Variants in TRMT9B observed in about 807,000 individuals in gnomAD.
TRMT9B encodes the protein probable tRNA methyltransferase 9B.
A neutral mutation model predicts 11.5 loss-of-function variants in TRMT9B; 16 were observed. The ratio of observed to expected loss-of-function variants is 1.39; its 90% CI spans 0.94 to 2.11. The LOEUF (loss-of-function observed/expected upper bound fraction) is 2.11, where lower values mean the gene tolerates loss of function less well. Among genes scored for constraint, TRMT9B ranks in the 30% most tolerant of loss-of-function variants. The probability of loss-of-function intolerance (pLI) is 0.00; values close to 1 mark genes in which losing one functional copy is unlikely to be tolerated. For synonymous variants in TRMT9B, 274 were observed against 192.4 expected, an observed-to-expected ratio of 1.42 and a Z score of -3.51; for missense variants, 941 against 553.8, an observed-to-expected ratio of 1.70 and a Z score of -7.02.
At chr8:13,003,547 C>T (rs1223411466) in intron 2 of TRMT9B, among the ~76,000 whole-genome samples, 12 of 152,028 alleles carry the variant, frequency 7.9e-5, no homozygotes. Context: ...CGCTGAGAAA[C>T]AGTGGGTCAT....
rs1184170285 is a variant in TRMT9B, at chr8:13,028,429, T to C, written c.*6385T>C. The C allele has an allele frequency of 1.2e-5, 2 of 167,036 alleles. No homozygotes were observed. The highest frequency in any genetic ancestry group is 3.9e-4 in the East Asian group (2 of 5,192). 10.3% of individuals were successfully genotyped at this position (167,036 alleles called of 1,614,324 possible). A position where few individuals can be genotyped will look rare whatever the true frequency, so the allele number is the denominator to read the frequency against. On this transcript the variant is annotated 3_prime_UTR_variant, in exon 5 of 5. Coordinates refer to ENST00000524591, the MANE Select transcript of TRMT9B (RefSeq NM_020844.3). ...CATGGAATATTGATTTTTCTATGAA[T>C]ATTACCTCCACATTGAAAAACGAGT...
At chr8:13,005,546 A>C (rs1376620048) in intron 2 of TRMT9B, among the ~76,000 whole-genome samples, 1 of 152,190 alleles carries the variant, frequency 6.6e-6, no homozygotes, top group African/African-American at 2.4e-5. Flanking sequence ...TGTACTCCGT[A>C]AATATATACA....
intron 1 of TRMT9B, among the ~76,000 whole-genome samples, chr8:12,975,995 A>T (rs183520969): frequency 1.3e-4 from 20 of 152,360 alleles, no homozygotes; most frequent in Non-Finnish European, 1.9e-4. Context: ...GATTACAAGC[A>T]ACAGAAACTG....
At chr8:12,947,529 A>G (rs1800323841) in intron 1 of TRMT9B, among the ~76,000 whole-genome samples, 1 of 152,244 alleles carries the variant, frequency 6.6e-6, no homozygotes, top group Non-Finnish European at 1.5e-5. Flanking sequence ...ATAGATGGTC[A>G]AGGCTGAAGT....
chr8:12,966,580 AT>A (rs1174369865), intron 1 of TRMT9B, among the ~76,000 whole-genome samples: 1 of 152,208 alleles, frequency 6.6e-6, no homozygotes, highest in Admixed American at 6.5e-5. Context: ...AGCTATTTCT[AT>A]TGTTTAGCCA....
At chr8:12,986,223 A>T (rs535333520) in intron 1 of TRMT9B, among the ~76,000 whole-genome samples, 20 of 152,250 alleles carry the variant, frequency 1.3e-4, no homozygotes, top group Admixed American at 1.3e-4. Context: ...GTTGTCCTTC[A>T]GTTACCACAG....
intron 1 of TRMT9B, among the ~76,000 whole-genome samples, chr8:12,971,498 A>G (rs7005461): frequency 0.36 from 54,584 of 152,012 alleles, 10,982 homozygotes; most frequent in Middle Eastern, 0.58. Context: ...CAAATTGTGT[A>G]TTAGCTGGAT....
intron 3 of TRMT9B, 128 bp from the exon 4 acceptor site, chr8:13,012,556 C>G: frequency 8.2e-7 from 1 of 1,224,112 alleles, no homozygotes; most frequent in Non-Finnish European, 1.1e-6. Context: ...GCCTGGGTGA[C>G]TGAGGGAGAC....
At chr8:13,012,631 T>G in intron 3 of TRMT9B, 53 bp from the exon 4 acceptor site, 1 of 1,523,670 alleles carries the variant, frequency 6.6e-7, no homozygotes, top group African/African-American at 1.4e-5. Context: ...ACAAATGAAG[T>G]ATTTCACATT....
chr8:12,982,218 G>C (rs907071966), intron 1 of TRMT9B, among the ~76,000 whole-genome samples: 16 of 152,114 alleles, frequency 1.1e-4, no homozygotes, highest in Non-Finnish European at 1.5e-4. Context: ...CCTGGACCAG[G>C]TGAGGACTTA....
At chr8:12,987,259 A>G (rs1806477379) in intron 1 of TRMT9B, among the ~76,000 whole-genome samples, 1 of 152,194 alleles carries the variant, frequency 6.6e-6, no homozygotes, top group African/African-American at 2.4e-5. Flanking sequence ...TATATTATAT[A>G]GTTATTGGGA....
intron 1 of TRMT9B, among the ~76,000 whole-genome samples, chr8:12,959,344 G>C (rs764403628): frequency 1.6e-4 from 25 of 152,020 alleles, no homozygotes; most frequent in Non-Finnish European, 2.1e-4. Context: ...TTTGTTTCAT[G>C]CGTACAATTA....
At chr8:12,968,991 C>T (rs1407220765) in intron 1 of TRMT9B, among the ~76,000 whole-genome samples, 1 of 152,186 alleles carries the variant, frequency 6.6e-6, no homozygotes, top group Non-Finnish European at 1.5e-5. Context: ...GCAGGTGGAT[C>T]ACCTGAGGTC....
At chr8:12,966,449 C>T (rs1802836543) in intron 1 of TRMT9B, among the ~76,000 whole-genome samples, 1 of 152,108 alleles carries the variant, frequency 6.6e-6, no homozygotes, top group South Asian at 2.1e-4. Flanking sequence ...ACAAGCTAGA[C>T]ATTGCTGTTC....
chr8:12,974,005 T>TTAA (rs1554515239), intron 1 of TRMT9B, among the ~76,000 whole-genome samples: 62 of 151,646 alleles, frequency 4.1e-4, no homozygotes, highest in East Asian at 9.7e-4. Context: ...AAAAATATAT[T>TTAA]AAAATTTTTT....
intron 1 of TRMT9B, among the ~76,000 whole-genome samples, chr8:12,987,747 C>T (rs1439647616): frequency 1.3e-5 from 2 of 152,104 alleles, no homozygotes; most frequent in Non-Finnish European, 2.9e-5. Context: ...AGCTTACCTC[C>T]CTAGCCTACC....
intron 2 of TRMT9B, among the ~76,000 whole-genome samples, chr8:13,001,418 C>T (rs190425204): frequency 1.3e-3 from 197 of 152,298 alleles, no homozygotes; most frequent in African/African-American, 4.4e-3. Flanking sequence ...CTTCTGACTT[C>T]CTAGTTAAAA....
intron 1 of TRMT9B, 81 bp from the exon 2 acceptor site, chr8:12,990,753 C>A: frequency 4.5e-6 from 4 of 883,902 alleles, no homozygotes; most frequent in Non-Finnish European, 6.2e-6. Context: ...ATGCATAGGT[C>A]AGGAAGTCAG....
At position 13,029,017 on chromosome 8, in the gene TRMT9B, C is replaced by G. The variant is rs931688893; in HGVS notation, c.*6973C>G. 1 of 166,742 alleles carries G rather than the reference C, an allele frequency of 6.0e-6. No individual in the cohort carries two copies. The allele number at this position is 166,742 out of a possible 1,614,324, so 10.3% of individuals were successfully genotyped here. A position where few individuals can be genotyped will look rare whatever the true frequency, so the allele number is the denominator to read the frequency against. On this transcript the variant is annotated 3_prime_UTR_variant, in exon 5 of 5. Coordinates refer to ENST00000524591, the MANE Select transcript of TRMT9B (RefSeq NM_020844.3). ...CTGTCCTATTTTCTTTATATGCTCTCTTAAATATGTATGTCTGTAAATATA... is the reference window on the plus strand; with the variant it reads ...CTGTCCTATTTTCTTTATATGCTCTGTTAAATATGTATGTCTGTAAATATA...
Sources: allele counts gnomAD v4.1 joint callset (sites outside exome capture counted in the v4.1 genomes callset), GRCh38; gene constraint gnomAD v4.1.1; transcripts MANE v1.5; gene names NCBI Gene and HGNC (gene_info 2026-07-23, HGNC 2026-07-21).